DENND2B: variants seen among roughly 807,000 people sequenced by gnomAD.
The protein encoded by DENND2B is DENN domain-containing protein 2B.
A neutral mutation model predicts 116.0 loss-of-function variants in DENND2B; 32 were observed. The observed-to-expected ratio is 0.28, with a 90% confidence interval of 0.21 to 0.37. DENND2B has a LOEUF of 0.37. DENND2B is among the 10% of genes least tolerant of loss of function. DENND2B has a pLI of 1.00. For synonymous variants in DENND2B, 588 were observed against 583.9 expected, an observed-to-expected ratio of 1.01 and a Z score of -0.10; for missense variants, 1,276 against 1,477.7, an observed-to-expected ratio of 0.86 and a Z score of 2.24.
At chr11:8,808,201 C>A (rs529526006) in intron 1 of DENND2B, 32 of 152,434 alleles carry the variant, frequency 2.1e-4, no homozygotes, top group African/African-American at 7.2e-4. Flanking sequence ...CCAGTTAGAA[C>A]CCTGCCTTCT....
intron 1 of DENND2B, among the ~76,000 whole-genome samples, chr11:8,755,063 CTT>C (rs1181702797): frequency 6.6e-6 from 1 of 152,148 alleles, no homozygotes; most frequent in African/African-American, 2.4e-5. Flanking sequence ...CTAAATAAAT[CTT>C]TTTAAGTGCC....
intron 1 of DENND2B, among the ~76,000 whole-genome samples, chr11:8,901,278 G>A (rs775064077): frequency 7.9e-5 from 9 of 114,438 alleles, no homozygotes; most frequent in Non-Finnish European, 1.3e-4. Context: ...TGCCCAGGCT[G>A]GAGTGCAGTG....
chr11:8,853,321 C>A (rs2063076843), intron 3 of DENND2B, among the ~76,000 whole-genome samples: 1 of 152,158 alleles, frequency 6.6e-6, no homozygotes. Context: ...TGAGATCGCA[C>A]CATTGCACTA....
intron 14 of DENND2B, among the ~76,000 whole-genome samples, chr11:8,701,342 TC>T (rs1364263764): frequency 0.01 from 64 of 6,102 alleles, no homozygotes; most frequent in African/African-American, 0.028. Flanking sequence ...AAGGCCAGCT[TC>T]CGGGGGGGGG....
At chr11:8,715,112 G>A (rs2133821885) in intron 6 of DENND2B, among the ~76,000 whole-genome samples, 1 of 152,334 alleles carries the variant, frequency 6.6e-6, no homozygotes, top group East Asian at 1.9e-4. Context: ...GGCCCCGACA[G>A]GAAGAAGCTA....
In DENND2B at chr11:8,712,715, G is replaced by A; in HGVS notation, c.2008C>T (p.His670Tyr). Residue 670 changes from histidine to tyrosine, a missense_variant, in exon 9 of 20, where the codon CAC becomes TAC. Around this residue, in one of 2 missense-constraint regions of DENND2B, gnomAD observed 420 missense variants for 631.1 expected, o/e 0.67. Coordinates refer to ENST00000313726, the MANE Select transcript of DENND2B (RefSeq NM_213618.2). The surrounding 1 kb of genome is among the most constrained non-coding windows in gnomAD (Gnocchi z 4.4). ...GCGCGCTTCAGCATCGACTGGATGTGGACCAGGCGCTGTGTGTGGGCTGGA... is the reference window on the plus strand; with the variant it reads ...GCGCGCTTCAGCATCGACTGGATGTAGACCAGGCGCTGTGTGTGGGCTGGA... ...RFKAHTQRLV[H>Y]IQSMLKRAPS... The A allele has an allele frequency of 1.2e-6, 2 of 1,612,688 alleles. No homozygotes were observed. The highest frequency in any genetic ancestry group is 1.7e-6 in the Non-Finnish European group (2 of 1,179,610).
intron 7 of DENND2B, 57 bp downstream of exon 7, chr11:8,714,553 C>T (rs1592593328): frequency 5.5e-6 from 8 of 1,452,308 alleles, no homozygotes; most frequent in South Asian, 4.6e-5. Flanking sequence ...ATGCCTCTCC[C>T]GTTCCTAATG....
At chr11:8,705,415 A>ATCCGGATCACGGCTTCCTT (rs1765594961) in intron 13 of DENND2B, among the ~76,000 whole-genome samples, 1 of 151,854 alleles carries the variant, frequency 6.6e-6, no homozygotes, top group African/African-American at 2.4e-5. Context: ...GTGGTTCCTG[A>ATCCGGATCACGGCTTCCTT]TCCGGATCAC....
At position 8,707,654 on chromosome 11, in the gene DENND2B, C is replaced by G; in HGVS notation, c.2430+123G>C. 1.1e-6 allele frequency: 1 copy of G among 930,258 alleles called. No homozygotes were observed. Among genetic ancestry groups the G allele is most frequent in the South Asian group, 1.6e-5 (1 of 61,638 alleles). The allele number at this position is 930,258 out of a possible 1,614,324, so 57.6% of individuals were successfully genotyped here. A position where few individuals can be genotyped will look rare whatever the true frequency, so the allele number is the denominator to read the frequency against. On this transcript the variant is annotated intron_variant, in intron 12 of 19. Transcript: ENST00000313726. The surrounding 1 kb of genome is among the most constrained non-coding windows in gnomAD (Gnocchi z 4.8). ...GTCAGAGAGCTCACTGGTACTTGTTCCTGCATTCTGTCTCCCGCTCGCTCA... is the reference window on the plus strand; with the variant it reads ...GTCAGAGAGCTCACTGGTACTTGTTGCTGCATTCTGTCTCCCGCTCGCTCA...
chr11:8,844,772 T>C (rs1354132119), intron 3 of DENND2B, among the ~76,000 whole-genome samples: 1 of 152,124 alleles, frequency 6.6e-6, no homozygotes, highest in Non-Finnish European at 1.5e-5. Flanking sequence ...TCTTGCTGTA[T>C]CACCCAAGCT....
chr11:8,739,697 T>G (rs568044704), intron 2 of DENND2B, among the ~76,000 whole-genome samples: 1 of 152,202 alleles, frequency 6.6e-6, no homozygotes, highest in Non-Finnish European at 1.5e-5. Context: ...CACTGCAGCA[T>G]GCAACTGGCC....
rs375310844 is a variant in DENND2B, at chr11:8,702,297, C to G, written c.2720+275G>C. Among the ~76,000 whole-genome samples the G allele has an allele frequency of 5.3e-5, 8 of 152,338 alleles. No individual in the cohort carries two copies. The highest frequency in any genetic ancestry group is 1.2e-4 in the African/African-American group (5 of 41,572). ...CCCTTTACATATCCCGGCACCTGCA[C>G]AGTCTTGGCTGTTGCAAAGGAAGAA... On this transcript the variant is annotated intron_variant, in intron 14 of 19. Transcript: ENST00000313726. This position sits in a 1 kb window ranked among gnomAD's most constrained non-coding sequence, Gnocchi z 4.6.
At chr11:8,820,589 T>C (rs2061723851) in intron 4 of DENND2B, among the ~76,000 whole-genome samples, 1 of 152,198 alleles carries the variant, frequency 6.6e-6, no homozygotes, top group Non-Finnish European at 1.5e-5. Context: ...TATGCATGTG[T>C]GAGAGGGTGT....
intron 2 of DENND2B, among the ~76,000 whole-genome samples, chr11:8,863,964 G>C (rs2063493415): frequency 1.3e-5 from 2 of 152,088 alleles, no homozygotes; most frequent in South Asian, 2.1e-4. Context: ...TTCAAGAAAA[G>C]CTTCTCCAGG....
rs144138495 is a variant in DENND2B, at chr11:8,865,414, A to T, written c.-250+5540T>A. Among the ~76,000 whole-genome samples the T allele has an allele frequency of 2.4e-3, 363 of 152,314 alleles. 2 individuals are homozygous for T. The highest frequency in any genetic ancestry group is 8.5e-3 in the African/African-American group (353 of 41,578). ...TCTAATTGCCAACATATCTGATATG[A>T]ACTTCCTGCATAAAACAAAACACAA... On this transcript the variant is annotated intron_variant, in intron 2 of 6. Coordinates refer to the DENND2B transcript ENST00000524757.
intron 1 of DENND2B, among the ~76,000 whole-genome samples, chr11:8,790,575 C>T (rs1182851934): frequency 4.6e-5 from 7 of 152,130 alleles, no homozygotes; most frequent in Admixed American, 4.6e-4. Context: ...TCGAGACCAA[C>T]CTCGGCAACA....
chr11:8,742,014 G>A (rs1875567), intron 2 of DENND2B, among the ~76,000 whole-genome samples: 146,209 of 152,328 alleles, frequency 0.96, 70,451 homozygotes, highest in East Asian at 1. Flanking sequence ...CCTCAGCCTC[G>A]TGAGTAGCTG....
intron 1 of DENND2B, among the ~76,000 whole-genome samples, chr11:8,786,275 C>T (rs538416449): frequency 2.6e-5 from 4 of 151,934 alleles, no homozygotes; most frequent in Admixed American, 6.5e-5. Flanking sequence ...TGCATAAGCA[C>T]TGGTTATAAA....
At chr11:8,747,888 G>A (rs2051568048) in intron 2 of DENND2B, among the ~76,000 whole-genome samples, 1 of 152,188 alleles carries the variant, frequency 6.6e-6, no homozygotes, top group Non-Finnish European at 1.5e-5. Context: ...CCTAGGGACT[G>A]GAATCCAGGG....
Sources: gnomAD v4.1 joint callset for allele counts (sites outside exome capture counted in the v4.1 genomes callset) on GRCh38, gnomAD v4.1.1 for gene constraint, gnomAD v4.1.1 regional missense constraint, Gnocchi (gnomAD v3.1) non-coding constraint, MANE v1.5 for transcripts, NCBI Gene and HGNC (gene_info 2026-07-23, HGNC 2026-07-21) for gene names.